Variants in RIMS2 observed in about 807,000 individuals in gnomAD.
RIMS2 encodes regulating synaptic membrane exocytosis protein 2.
A neutral mutation model predicts 174.4 loss-of-function variants in RIMS2; 59 were observed. That is an observed-to-expected ratio of 0.34 (90% CI 0.27 to 0.42). The LOEUF is 0.42. Ranked by LOEUF, RIMS2 falls within the 10% of genes least tolerant of loss-of-function variation. The probability of loss-of-function intolerance (pLI) is 1.00; values close to 1 mark genes in which losing one functional copy is unlikely to be tolerated. For missense variants in RIMS2, 1,620 were observed against 1,666.3 expected (o/e 0.97, Z 0.48); for synonymous variants, 606 against 572.5 (o/e 1.06, Z -0.84).
At chr8:103,921,713 A>G (rs374131367) in exon 10 of RIMS2, 12 of 1,574,610 alleles carry the variant, frequency 7.6e-6, no homozygotes, top group Non-Finnish European at 9.6e-6. Context: ...TCGTCCTTCT[A>G]TTTCTGTTAC....
chr8:103,838,626 C>G (rs1435773673), intron 3 of RIMS2, among the ~76,000 whole-genome samples: 3 of 152,220 alleles, frequency 2.0e-5, no homozygotes, highest in Non-Finnish European at 4.4e-5. Flanking sequence ...GTCTACCATT[C>G]TATTACTTCT....
At chr8:104,109,885 T>G (rs1239220921) in intron 19 of RIMS2, among the ~76,000 whole-genome samples, 2 of 152,202 alleles carry the variant, frequency 1.3e-5, no homozygotes, top group Non-Finnish European at 2.9e-5. Context: ...GGAATTAAAA[T>G]TATTTTATTT....
chr8:103,768,711 T>C, intron 3 of RIMS2: 1 of 769,176 alleles, frequency 1.3e-6, no homozygotes, highest in Non-Finnish European at 2.4e-6. Context: ...TCCACAAACT[T>C]TTCAATCTCT....
chr8:103,976,693 G>A (rs532026387), intron 16 of RIMS2: 122 of 152,016 alleles, frequency 8.0e-4, no homozygotes, highest in Non-Finnish European at 1.4e-3. Flanking sequence ...GATTACAAGC[G>A]CACACCACCA....
chr8:103,511,677 AT>A, intron 1 of RIMS2, among the ~76,000 whole-genome samples: 1 of 152,290 alleles, frequency 6.6e-6, no homozygotes, highest in East Asian at 1.9e-4. Flanking sequence ...GTAATCCAAG[AT>A]TTTTCTTTAA....
At chr8:104,021,995 G>A (rs144370583) in intron 19 of RIMS2, among the ~76,000 whole-genome samples, 24 of 152,318 alleles carry the variant, frequency 1.6e-4, no homozygotes, top group African/African-American at 5.5e-4. Context: ...GCCACAGGAT[G>A]TGGATTCAGT....
At chr8:103,760,320 G>A (rs1317630821) in intron 2 of RIMS2, among the ~76,000 whole-genome samples, 1 of 152,206 alleles carries the variant, frequency 6.6e-6, no homozygotes, top group Non-Finnish European at 1.5e-5. Flanking sequence ...AAGTTCTGCT[G>A]CTTGTATCAG....
chr8:103,838,676 A>G (rs376334818), intron 3 of RIMS2, among the ~76,000 whole-genome samples: 17 of 152,120 alleles, frequency 1.1e-4, no homozygotes, highest in African/African-American at 3.9e-4. Context: ...AAGGTGTAGG[A>G]TAGGACACCT....
intron 3 of RIMS2, among the ~76,000 whole-genome samples, chr8:103,827,253 C>T (rs2098796935): frequency 6.6e-6 from 1 of 152,078 alleles, no homozygotes; most frequent in African/African-American, 2.4e-5. Flanking sequence ...CTTTTAAAAA[C>T]TTCAATATCG....
intron 19 of RIMS2, among the ~76,000 whole-genome samples, chr8:104,098,845 G>A (rs2097809021): frequency 6.6e-6 from 1 of 152,148 alleles, no homozygotes; most frequent in South Asian, 2.1e-4. Flanking sequence ...GATATAACTT[G>A]ATATATACAG....
chr8:103,802,728 C>G (rs2098621211), intron 3 of RIMS2, among the ~76,000 whole-genome samples: 1 of 152,112 alleles, frequency 6.6e-6, no homozygotes, highest in African/African-American at 2.4e-5. Flanking sequence ...AGGAAGTACC[C>G]TTTGGAGGGT....
intron 3 of RIMS2, among the ~76,000 whole-genome samples, chr8:103,829,941 T>A (rs2098815461): frequency 6.6e-6 from 1 of 152,204 alleles, no homozygotes; most frequent in South Asian, 2.1e-4. Context: ...ATAAATAGGA[T>A]TGATGAGGTT....
intron 3 of RIMS2, among the ~76,000 whole-genome samples, chr8:103,838,500 A>G (rs1347017517): frequency 5.9e-5 from 9 of 152,148 alleles, no homozygotes; most frequent in Admixed American, 4.6e-4. Flanking sequence ...TTTATTTTCC[A>G]TATTGGTTTC....
rs899796496 is a variant in RIMS2, at chr8:103,993,762, C to T, written c.3044+4341C>T. On this transcript the variant is annotated intron_variant, in intron 17 of 23. Coordinates refer to ENST00000504942, the Ensembl canonical transcript of RIMS2. The stretch of plus-strand genomic sequence containing the variant: ...AAGACACATGCCAGGCACAGTGGCT[C>T]ATGCCTGTAATGCCAGAACTTTGGG... Among the ~76,000 whole-genome samples, 6 of 152,252 alleles carry T rather than the reference C, an allele frequency of 3.9e-5. No individual in the cohort carries two copies. The South Asian group carries it at 1.2e-3, about 32-fold the overall frequency.
intron 19 of RIMS2, among the ~76,000 whole-genome samples, chr8:104,036,670 A>G (rs761585754): frequency 1.3e-5 from 2 of 151,786 alleles, no homozygotes; most frequent in Non-Finnish European, 2.9e-5. Context: ...TGAGGTCAGG[A>G]GTTCGAGACC....
chr8:103,901,762 T>C (rs2154524577), intron 4 of RIMS2, among the ~76,000 whole-genome samples: 1 of 152,322 alleles, frequency 6.6e-6, no homozygotes, highest in Middle Eastern at 3.4e-3. Flanking sequence ...TAATTATGGA[T>C]AATGTTTATC....
chr8:104,147,775 G>T (rs563972068), intron 19 of RIMS2, among the ~76,000 whole-genome samples: 1 of 152,056 alleles, frequency 6.6e-6, no homozygotes, highest in East Asian at 1.9e-4. Flanking sequence ...CAGATTCTTC[G>T]CTTTCTAATC....
rs79819629 is a variant in RIMS2 at position 103,772,868 on chromosome 8, C to A, written c.698+6331C>A. Among the ~76,000 whole-genome samples, 535 of 152,138 alleles carry A rather than the reference C, an allele frequency of 3.5e-3. 14 individuals are homozygous for A. The East Asian group carries it at 0.062, about 18-fold the overall frequency. On this transcript the variant is annotated intron_variant, in intron 3 of 23. Transcript: ENST00000504942. ...AGTAGAGAAAGGATAGTGTTTTCAA[C>A]AAATGGTGCTGGAATAACTGAATAT...
At chr8:103,518,611 T>A (rs1188947068) in intron 1 of RIMS2, among the ~76,000 whole-genome samples, 1 of 152,018 alleles carries the variant, frequency 6.6e-6, no homozygotes. Flanking sequence ...CTGTATCAGT[T>A]GTTAAATATT....
Sources: gnomAD v4.1 joint callset for allele counts (sites outside exome capture counted in the v4.1 genomes callset) on GRCh38, gnomAD v4.1.1 for gene constraint, MANE v1.5 for transcripts, NCBI Gene and HGNC (gene_info 2026-07-23, HGNC 2026-07-21) for gene names.